DLG2: variants seen among roughly 807,000 people sequenced by gnomAD.
DLG2 encodes the protein discs large MAGUK scaffold protein 2, also known as disks large homolog 2.
A neutral mutation model predicts 132.5 loss-of-function variants in DLG2; 45 were observed. The observed-to-expected ratio is 0.34, with a 90% confidence interval of 0.27 to 0.44. The LOEUF (loss-of-function observed/expected upper bound fraction) is 0.44. Among genes scored for constraint, DLG2 ranks in the 20% least tolerant of loss-of-function variants. DLG2 has a pLI of 1.00. For synonymous variants in DLG2, 424 were observed against 419.6 expected, an observed-to-expected ratio of 1.01 and a Z score of -0.13; for missense variants, 1,045 against 1,196.9, an observed-to-expected ratio of 0.87 and a Z score of 1.87.
chr11:85,448,176 T>C (rs1293419304), intron 3 of DLG2, among the ~76,000 whole-genome samples: 3 of 152,204 alleles, frequency 2.0e-5, no homozygotes, highest in Non-Finnish European at 2.9e-5. Context: ...AGGAATAATT[T>C]TCCTGCTTTA....
At chr11:84,591,496 G>T (rs889245390) in intron 6 of DLG2, among the ~76,000 whole-genome samples, 1 of 151,594 alleles carries the variant, frequency 6.6e-6, no homozygotes, top group African/African-American at 2.4e-5. Context: ...AGAAAACCCT[G>T]TTTCTACTAA....
chr11:84,000,611 C>A (rs1332750113), intron 11 of DLG2, among the ~76,000 whole-genome samples: 1 of 152,006 alleles, frequency 6.6e-6, no homozygotes, highest in African/African-American at 2.4e-5. Context: ...ATTCAAAAAG[C>A]ATCAAAAGTG....
chr11:84,565,657 G>T (rs1164746367), intron 6 of DLG2, among the ~76,000 whole-genome samples: 1 of 152,062 alleles, frequency 6.6e-6, no homozygotes, highest in Non-Finnish European at 1.5e-5. Context: ...AGGCTTTGAT[G>T]CTCTACCTCA....
intron 15 of DLG2, among the ~76,000 whole-genome samples, chr11:83,890,933 T>C (rs1015286954): frequency 6.6e-6 from 1 of 152,150 alleles, no homozygotes; most frequent in Admixed American, 6.6e-5. Context: ...CTGGGGTGAC[T>C]GGTCAGCAGT....
At chr11:85,372,891 T>G (rs2085100367) in intron 3 of DLG2, among the ~76,000 whole-genome samples, 1 of 152,194 alleles carries the variant, frequency 6.6e-6, no homozygotes, top group South Asian at 2.1e-4. Context: ...ACCTGCTCCC[T>G]TTTTTCTAGA....
chr11:85,339,243 T>C (rs1389100690), intron 3 of DLG2, among the ~76,000 whole-genome samples: 1 of 152,250 alleles, frequency 6.6e-6, no homozygotes, highest in Non-Finnish European at 1.5e-5. Flanking sequence ...CCATAGCTTA[T>C]GTAGTTGCTC....
chr11:85,280,645 A>AT (rs899462544), intron 4 of DLG2, among the ~76,000 whole-genome samples: 48 of 152,086 alleles, frequency 3.2e-4, no homozygotes, highest in Non-Finnish European at 5.9e-4. Context: ...TGCTGTGTCC[A>AT]TTTTTTTACA....
intron 18 of DLG2, among the ~76,000 whole-genome samples, chr11:83,764,778 C>A (rs2094070305): frequency 6.6e-6 from 1 of 152,166 alleles, no homozygotes; most frequent in East Asian, 1.9e-4. Flanking sequence ...TTGATCACTT[C>A]ATTTCAGTGC....
chr11:84,763,163 A>G (rs569323672), intron 6 of DLG2: 1 of 152,126 alleles, frequency 6.6e-6, no homozygotes, highest in Non-Finnish European at 1.5e-5. Context: ...GCAAGTGCCA[A>G]CTCTAACATA....
intron 17 of DLG2, among the ~76,000 whole-genome samples, chr11:83,787,326 T>TG (rs1282049317): frequency 1.0e-5 from 1 of 96,728 alleles, no homozygotes; most frequent in African/African-American, 4.8e-5. Context: ...TTTTTTTGTT[T>TG]TTTTTTTTTT....
intron 5 of DLG2, among the ~76,000 whole-genome samples, chr11:85,150,796 C>G (rs1253409141): frequency 1.3e-5 from 2 of 149,690 alleles, no homozygotes; most frequent in Non-Finnish European, 3.0e-5. Flanking sequence ...ATTTGGGTTG[C>G]TTCCACCACT....
At chr11:85,058,850 C>T (rs2063731730) in intron 6 of DLG2, among the ~76,000 whole-genome samples, 1 of 151,286 alleles carries the variant, frequency 6.6e-6, no homozygotes, top group Admixed American at 6.6e-5. Flanking sequence ...TTACCTCATA[C>T]TATACACAAA....
chr11:84,920,887 T>C (rs572058674), intron 6 of DLG2, among the ~76,000 whole-genome samples: 1 of 152,276 alleles, frequency 6.6e-6, no homozygotes, highest in South Asian at 2.1e-4. Flanking sequence ...AGTGGTCTAT[T>C]GTGTGCAGAG....
chr11:85,377,523 C>T (rs1272809874), intron 3 of DLG2, among the ~76,000 whole-genome samples: 1 of 151,990 alleles, frequency 6.6e-6, no homozygotes, highest in Non-Finnish European at 1.5e-5. Flanking sequence ...AATAAAATAA[C>T]CCATGAATCA....
At chr11:84,371,611 T>C (rs1284238329) in intron 7 of DLG2, among the ~76,000 whole-genome samples, 1 of 152,114 alleles carries the variant, frequency 6.6e-6, no homozygotes, top group Non-Finnish European at 1.5e-5. Context: ...GACATACTAC[T>C]AAGATCAATT....
At chr11:85,131,102 G>A (rs1391184895) in intron 5 of DLG2, among the ~76,000 whole-genome samples, 1 of 151,718 alleles carries the variant, frequency 6.6e-6, no homozygotes, top group Non-Finnish European at 1.5e-5. Context: ...CTCTTATTAA[G>A]AATTTAAAGC....
At chr11:85,336,529 T>G (rs2082144820) in intron 3 of DLG2, 1 of 160,282 alleles carries the variant, frequency 6.2e-6, no homozygotes, top group African/African-American at 2.4e-5. Flanking sequence ...GTGTTGTTCC[T>G]CCCTCTCCAC....
chr11:84,547,220 T>C (rs2099391816), intron 6 of DLG2, among the ~76,000 whole-genome samples: 1 of 152,168 alleles, frequency 6.6e-6, no homozygotes, highest in Admixed American at 6.5e-5. Flanking sequence ...ATTAGATATG[T>C]TATTTGATTA....
intron 6 of DLG2, among the ~76,000 whole-genome samples, chr11:84,555,630 A>C (rs1447928599): frequency 6.6e-6 from 1 of 152,214 alleles, no homozygotes; most frequent in Non-Finnish European, 1.5e-5. Flanking sequence ...ACAGAAACAG[A>C]AAGTAAAATG....
Sources: allele counts gnomAD v4.1 joint callset (sites outside exome capture counted in the v4.1 genomes callset), GRCh38; gene constraint gnomAD v4.1.1; transcripts MANE v1.5; gene names NCBI Gene and HGNC (gene_info 2026-07-23, HGNC 2026-07-21).